The following CRYBG3 variants were observed in gnomAD, a reference collection of about 807,000 sequenced individuals.
CRYBG3 encodes the protein crystallin beta-gamma domain containing 3.
A neutral mutation model predicts 244.2 loss-of-function variants in CRYBG3; 127 were observed. The ratio of observed to expected loss-of-function variants is 0.52; its 90% CI spans 0.45 to 0.60. The LOEUF is 0.60. Among genes scored for constraint, CRYBG3 ranks in the 20% least tolerant of loss-of-function variants. The probability of loss-of-function intolerance (pLI) is 0.00; values close to 1 mark genes in which losing one functional copy is unlikely to be tolerated. For synonymous variants in CRYBG3, 1,132 were observed against 1,195.8 expected (o/e 0.95, Z 1.10); for missense variants, 3,325 against 3,442.5 (o/e 0.97, Z 0.85).
chr3:97,880,417 A>C (rs537650591), intron 6 of CRYBG3, among the ~76,000 whole-genome samples: 1 of 152,244 alleles, frequency 6.6e-6, no homozygotes, highest in African/African-American at 2.4e-5. Flanking sequence ...AGTTGAATGA[A>C]GCATAGCTTT....
Position 97,900,495 on chromosome 3 carries a change from A to C in CRYBG3, c.8004+10A>C, listed in dbSNP as rs774752762. 32 of 1,512,436 alleles carry C rather than the reference A, an allele frequency of 2.1e-5. No homozygotes were observed. Among genetic ancestry groups the C allele is most frequent in the Non-Finnish European group, 2.8e-5 (31 of 1,091,422 alleles). 93.7% of individuals were successfully genotyped at this position (1,512,436 alleles called of 1,614,324 possible). A position where few individuals can be genotyped will look rare whatever the true frequency, so the allele number is the denominator to read the frequency against. On this transcript the variant is annotated intron_variant, in intron 15 of 21. Transcript: ENST00000389622. ...TGAACCTCCGCATTTGGTATGTTTAAAAATATTCTTGTAATTGTTAAATTG... is the reference window on the plus strand; with the variant it reads ...TGAACCTCCGCATTTGGTATGTTTACAAATATTCTTGTAATTGTTAAATTG...
chr3:97,846,686 T>C (rs1433492891), intron 2 of CRYBG3, among the ~76,000 whole-genome samples: 1 of 152,176 alleles, frequency 6.6e-6, no homozygotes, highest in African/African-American at 2.4e-5. Flanking sequence ...ATCCCATGTC[T>C]GACACTGCCT....
chr3:97,878,762 A>T (rs1162465136), intron 4 of CRYBG3, among the ~76,000 whole-genome samples: 1 of 152,246 alleles, frequency 6.6e-6, no homozygotes, highest in Non-Finnish European at 1.5e-5. Context: ...GCACTACAAC[A>T]ACTCATGTTG....
chr3:97,867,448 A>G (rs1470975364), intron 3 of CRYBG3, among the ~76,000 whole-genome samples: 2 of 152,196 alleles, frequency 1.3e-5, no homozygotes, highest in Non-Finnish European at 2.9e-5. Context: ...TCTTTGAAGA[A>G]TGATACATGT....
intron 2 of CRYBG3, among the ~76,000 whole-genome samples, chr3:97,863,129 G>A (rs2039174206): frequency 6.6e-6 from 1 of 152,070 alleles, no homozygotes; most frequent in South Asian, 2.1e-4. Context: ...GTGCCCTAAG[G>A]TGGTTTTGCC....
rs1030252738 is a variant in CRYBG3, at chr3:97,886,774, A to G, written c.7289+7A>G. The G allele has an allele frequency of 5.8e-6, 9 of 1,562,580 alleles. No homozygotes were observed. The highest frequency in any genetic ancestry group is 3.4e-4 in the Middle Eastern group (2 of 5,820). ...TCACTGTGAAGTCAGGAGTGTACGT[A>G]TCAGTTCCTTTTTATTATAGTGATT... On this transcript the variant is annotated splice_region_variant and intron_variant, in intron 8 of 21. Transcript: ENST00000389622.
intron 3 of CRYBG3, among the ~76,000 whole-genome samples, chr3:97,866,560 C>T (rs2039235195): frequency 1.3e-5 from 2 of 152,182 alleles, no homozygotes; most frequent in African/African-American, 4.8e-5. Flanking sequence ...ATTCTAACAA[C>T]CTCTTTAGAT....
Position 97,933,706 on chromosome 3 carries a change from C to G in CRYBG3, c.8254C>G (p.Pro2752Ala), listed in dbSNP as rs767292539. 5.0e-6 allele frequency: 8 copies of G among 1,612,880 alleles called. No individual in the cohort carries two copies. Among genetic ancestry groups the G allele is most frequent in the Non-Finnish European group, 6.8e-6 (8 of 1,179,280 alleles). The change falls in exon 18 of 22, where the codon CCC becomes GCC. Residue 2752 changes from proline to alanine, a missense_variant. Around this residue, in one of 4 missense-constraint regions of CRYBG3, gnomAD observed 714 missense variants for 803.6 expected, o/e 0.89. Coordinates refer to ENST00000389622, the MANE Select transcript of CRYBG3 (RefSeq NM_153605.4). ...TTTCTGCTAATAGGTTTTTGAAGAA[C>G]CCTCCATCAGCCTTTTTGCTCTGGA... ...LKPIDYVFEE[P>A]SISLFALEHC...
At chr3:97,906,840 G>A (rs1186020788) in intron 15 of CRYBG3, among the ~76,000 whole-genome samples, 1 of 151,900 alleles carries the variant, frequency 6.6e-6, no homozygotes, top group East Asian at 1.9e-4. Flanking sequence ...CAAAGGGAAT[G>A]CTTCCAGTTT....
intron 1 of CRYBG3, among the ~76,000 whole-genome samples, chr3:97,837,327 A>G (rs1320996179): frequency 6.6e-6 from 1 of 152,080 alleles, no homozygotes; most frequent in Non-Finnish European, 1.5e-5. Flanking sequence ...GTGAGGAGGA[A>G]CATGCCAGGA....
chr3:97,828,561 T>C (rs1375548672), intron 1 of CRYBG3, among the ~76,000 whole-genome samples: 1 of 148,032 alleles, frequency 6.8e-6, no homozygotes, highest in Non-Finnish European at 1.5e-5. Flanking sequence ...GCGTGGTGGC[T>C]CATGCCTGTA....
intron 1 of CRYBG3, among the ~76,000 whole-genome samples, chr3:97,834,873 T>C (rs1164173351): frequency 6.6e-6 from 1 of 152,184 alleles, no homozygotes; most frequent in African/African-American, 2.4e-5. Context: ...ATTTTTTCTC[T>C]TTTTGATAGT....
intron 15 of CRYBG3, among the ~76,000 whole-genome samples, chr3:97,908,851 G>A (rs753155004): frequency 4.6e-5 from 7 of 152,074 alleles, no homozygotes; most frequent in African/African-American, 7.2e-5. Context: ...CTGGATGGTC[G>A]TTACATTTTG....
intron 2 of CRYBG3, among the ~76,000 whole-genome samples, chr3:97,861,051 AC>A (rs2108199634): frequency 6.6e-6 from 1 of 151,900 alleles, no homozygotes; most frequent in East Asian, 1.9e-4. Context: ...TTTTTGGCTT[AC>A]CTAATCAAAT....
chr3:97,881,973 C>T lies in CRYBG3; in HGVS notation c.7152+754C>T, dbSNP rs545877883. On this transcript the variant is annotated intron_variant, in intron 7 of 21. Coordinates refer to ENST00000389622, the MANE Select transcript of CRYBG3 (RefSeq NM_153605.4). ...CCTGTAATCCCAGCACTTTGGGAGG[C>T]TGAGGTGGGTGGATCACTTGAGGTC... Among the ~76,000 whole-genome samples, 87 of 152,012 alleles carry T rather than the reference C, an allele frequency of 5.7e-4. 1 individual carries two copies. Among genetic ancestry groups the T allele is most frequent in the African/African-American group, 2.0e-3 (83 of 41,492 alleles).
intron 14 of CRYBG3, 71 bp from the exon 15 acceptor site, chr3:97,900,382 G>C: frequency 9.8e-7 from 1 of 1,025,078 alleles, no homozygotes; most frequent in Non-Finnish European, 1.5e-6. Context: ...TTTTCAAAGG[G>C]TATTTTCAAA....
At chr3:97,853,494 T>A (rs1459543565) in intron 2 of CRYBG3, among the ~76,000 whole-genome samples, 1 of 151,930 alleles carries the variant, frequency 6.6e-6, no homozygotes, top group Non-Finnish European at 1.5e-5. Flanking sequence ...ATTTTTGCAA[T>A]TGCGAATTGT....
chr3:97,939,140 A>C (rs1272427877), intron 19 of CRYBG3, among the ~76,000 whole-genome samples: 1 of 151,992 alleles, frequency 6.6e-6, no homozygotes, highest in African/African-American at 2.4e-5. Context: ...CCTATTGTTC[A>C]AGATTGTCTG....
At chr3:97,943,046 G>T (rs980343923) in intron 21 of CRYBG3, 180 bp from the exon 22 acceptor site, 1 of 566,284 alleles carries the variant, frequency 1.8e-6, no homozygotes, top group Non-Finnish European at 3.1e-6. Context: ...TCATAATAAG[G>T]TCCAATTTGA....
Sources: allele counts gnomAD v4.1 joint callset (sites outside exome capture counted in the v4.1 genomes callset), GRCh38; gene constraint gnomAD v4.1.1; regional missense constraint gnomAD v4.1.1; transcripts MANE v1.5; gene names NCBI Gene and HGNC (gene_info 2026-07-23, HGNC 2026-07-21).